TTC39B: variants seen among roughly 807,000 people sequenced by gnomAD.
TTC39B encodes tetratricopeptide repeat domain 39B, also known as tetratricopeptide repeat protein 39B.
A neutral mutation model predicts 96.6 loss-of-function variants in TTC39B; 92 were observed. The ratio of observed to expected loss-of-function variants is 0.95; its 90% confidence interval spans 0.80 to 1.13. The LOEUF is 1.13. Among genes scored for constraint, TTC39B ranks in the 50% most tolerant of loss-of-function variants. TTC39B has a pLI of 0.00. For missense variants in TTC39B, 955 were observed against 809.3 expected (o/e 1.18, Z -2.18); for synonymous variants, 367 against 299.4 (o/e 1.23, Z -2.33).
intron 1 of TTC39B, among the ~76,000 whole-genome samples, chr9:15,300,186 T>C (rs927212130): frequency 6.6e-6 from 1 of 152,180 alleles, no homozygotes; most frequent in Non-Finnish European, 1.5e-5. Context: ...CAGTGAGGCA[T>C]AGGGGTTAGT....
At chr9:15,167,856 C>T (rs757705069) in exon 20 of TTC39B, 37 of 152,134 alleles carry the variant, frequency 2.4e-4, no homozygotes, top group Non-Finnish European at 5.0e-4. Flanking sequence ...TCTGTAAAAT[C>T]AAATTAAAAT....
At chr9:15,262,156 T>C (rs1299077537) in intron 2 of TTC39B, among the ~76,000 whole-genome samples, 3 of 152,328 alleles carry the variant, frequency 2.0e-5, no homozygotes, top group East Asian at 1.9e-4. Context: ...TGGAGTGCAG[T>C]GGCACAATCT....
At chr9:15,257,169 C>G (rs117149486) in intron 2 of TTC39B, among the ~76,000 whole-genome samples, 3,074 of 152,290 alleles carry the variant, frequency 0.02, 52 homozygotes, top group Admixed American at 0.036. Context: ...ATAAAGCATA[C>G]AGATTAAACT....
chr9:15,216,707 C>G (rs1820539649), intron 3 of TTC39B, among the ~76,000 whole-genome samples: 2 of 152,194 alleles, frequency 1.3e-5, no homozygotes, highest in South Asian at 4.1e-4. Context: ...CTCTGTCCCC[C>G]TCATCAAATA....
At chr9:15,171,911 G>GT (rs748813604) in exon 20 of TTC39B, 16 of 781,770 alleles carry the variant, frequency 2.0e-5, no homozygotes, top group South Asian at 7.6e-5. Context: ...CAAAAAAACT[G>GT]TTTTTTTGTC....
chr9:15,178,148 C>A (rs559214940), intron 17 of TTC39B, among the ~76,000 whole-genome samples: 5 of 152,132 alleles, frequency 3.3e-5, no homozygotes, highest in African/African-American at 9.6e-5. Flanking sequence ...GGATTACAGG[C>A]GTGAGCCACC....
chr9:15,283,756 G>A (rs1823856322), intron 1 of TTC39B, among the ~76,000 whole-genome samples: 1 of 152,132 alleles, frequency 6.6e-6, no homozygotes, highest in African/African-American at 2.4e-5. Flanking sequence ...ATTCAGTTAC[G>A]ATTTTACAGT....
exon 18 of TTC39B, chr9:15,177,702 C>T: frequency 1.2e-6 from 2 of 1,606,260 alleles, no homozygotes; most frequent in Non-Finnish European, 8.5e-7. Context: ...CTTACCTTTC[C>T]ACAACATGAT....
At chr9:15,181,474 TC>T (rs1178233966) in intron 17 of TTC39B, among the ~76,000 whole-genome samples, 1 of 152,108 alleles carries the variant, frequency 6.6e-6, no homozygotes, top group Non-Finnish European at 1.5e-5. Flanking sequence ...CCAACACTCC[TC>T]CCACTTCACG....
At chr9:15,171,980 GA>G in exon 20 of TTC39B, 1 of 1,461,452 alleles carries the variant, frequency 6.8e-7, no homozygotes, top group East Asian at 2.3e-5. Flanking sequence ...AGCAGATGCC[GA>G]TGCTAATTGA....
intron 2 of TTC39B, among the ~76,000 whole-genome samples, chr9:15,263,836 G>A (rs1313516229): frequency 6.6e-6 from 1 of 152,170 alleles, no homozygotes; most frequent in Non-Finnish European, 1.5e-5. Context: ...ACCAAGGTGA[G>A]AGGAGTGGAA....
intron 2 of TTC39B, among the ~76,000 whole-genome samples, chr9:15,263,693 G>A (rs1823022279): frequency 6.6e-6 from 1 of 152,178 alleles, no homozygotes; most frequent in South Asian, 2.1e-4. Flanking sequence ...AAAATCAACT[G>A]CAGACTCTGA....
intron 13 of TTC39B, among the ~76,000 whole-genome samples, chr9:15,188,959 C>A (rs1005787179): frequency 3.9e-5 from 6 of 151,972 alleles, no homozygotes; most frequent in African/African-American, 1.5e-4. Context: ...GTATATCCAT[C>A]CCATGAAATG....
chr9:15,196,041 G>A (rs979254203), intron 8 of TTC39B, among the ~76,000 whole-genome samples: 2 of 152,140 alleles, frequency 1.3e-5, no homozygotes, highest in Non-Finnish European at 2.9e-5. Flanking sequence ...AACAAAGCCT[G>A]GATGATAGCA....
intron 9 of TTC39B, 117 bp downstream of exon 9, chr9:15,192,473 T>G (rs1818910972): frequency 2.8e-6 from 2 of 723,892 alleles, no homozygotes; most frequent in Admixed American, 2.5e-5. Context: ...CCACTCTAGC[T>G]GTTTGTCAAC....
At chr9:15,214,348 CTG>C (rs370074351) in intron 3 of TTC39B, 99 bp from the exon 4 acceptor site, 38,618 of 515,128 alleles carry the variant, frequency 0.075, 1,387 homozygotes, top group Admixed American at 0.098. Context: ...GTGTGTGTGT[CTG>C]TGTGTGTGTG....
intron 3 of TTC39B, among the ~76,000 whole-genome samples, chr9:15,223,643 A>G (rs1414774431): frequency 6.6e-6 from 1 of 152,184 alleles, no homozygotes; most frequent in Admixed American, 6.5e-5. Context: ...GCTGCTTCAC[A>G]TTATGTTTAT....
At chr9:15,216,192 T>C (rs1462943641) in intron 3 of TTC39B, among the ~76,000 whole-genome samples, 1 of 152,242 alleles carries the variant, frequency 6.6e-6, no homozygotes, top group Non-Finnish European at 1.5e-5. Context: ...GTAGCATTTG[T>C]AGACATGCTT....
chr9:15,262,536 T>G (rs964748727), intron 2 of TTC39B, among the ~76,000 whole-genome samples: 2 of 152,158 alleles, frequency 1.3e-5, no homozygotes, highest in African/African-American at 4.8e-5. Context: ...TTTATTTTAT[T>G]TTGTGTTATT....
Sources: allele counts gnomAD v4.1 joint callset (sites outside exome capture counted in the v4.1 genomes callset), GRCh38; gene constraint gnomAD v4.1.1; transcripts MANE v1.5; gene names NCBI Gene and HGNC (gene_info 2026-07-23, HGNC 2026-07-21).